Variants in CASK observed in about 807,000 individuals in gnomAD.
CASK encodes the protein peripheral plasma membrane protein CASK.
In CASK, 4 loss-of-function variants were observed where a neutral mutation model predicts 82.9. That is an observed-to-expected ratio of 0.05 (90% CI 0.02 to 0.11). The LOEUF (loss-of-function observed/expected upper bound fraction) is 0.11, where lower values mean the gene tolerates loss of function less well. Among genes scored for constraint, CASK ranks in the 10% least tolerant of loss-of-function variants. The pLI is 1.00. For missense variants in CASK, 358 were observed against 720.9 expected (o/e 0.50, Z 5.76); for synonymous variants, 259 against 253.5 (o/e 1.02, Z -0.20).
chrX:41,582,735 A>G (rs2065600186), intron 14 of CASK, among the ~76,000 whole-genome samples: 1 of 111,861 alleles, frequency 8.9e-6, no homozygotes, highest in Non-Finnish European at 1.9e-5. Context: ...CTGCTCCTTG[A>G]ATCTACAAAG....
In CASK at chrX:41,543,265, G is replaced by A. The variant is rs191887158; in HGVS notation, c.2040-459C>T. ...GGGGATTGAAAGAATGAAAGGTTAA[G>A]CAATTTGCCCCAAATCACACAGCTA... On this transcript the variant is annotated intron_variant, in intron 21 of 26. Transcript: ENST00000378163. 3.4e-3 allele frequency among the ~76,000 whole-genome samples: 384 copies of A among 112,407 alleles called. 1 individual carries two copies. Among genetic ancestry groups the A allele is most frequent in the Admixed American group, 6.1e-3 (64 of 10,564 alleles).
rs1193422910 is a variant in CASK at position 41,811,836 on chromosome X, T to C, written c.173-24553A>G. Among the ~76,000 whole-genome samples, 4 of 111,212 alleles carry C rather than the reference T, an allele frequency of 3.6e-5. No individual in the cohort carries two copies. The East Asian group carries it at 8.4e-4, about 23-fold the overall frequency. On this transcript the variant is annotated intron_variant, in intron 2 of 26. Transcript: ENST00000378163. ...GAAAAGATCAACAAAATTGATACAC[T>C]GCTAGCAAGACTAATAAAGAAGAAA...
At chrX:41,787,311 A>G in intron 2 of CASK, 28 bp from the exon 3 acceptor site, 2 of 871,653 alleles carry the variant, frequency 2.3e-6, no homozygotes, top group Non-Finnish European at 3.4e-6. Context: ...AGCATACTTC[A>G]TTAGGTAGGA....
chrX:41,616,026 A>G (rs1424566892), intron 11 of CASK, among the ~76,000 whole-genome samples: 1 of 111,860 alleles, frequency 8.9e-6, no homozygotes, highest in African/African-American at 3.3e-5. Flanking sequence ...GAATACTAAG[A>G]TGGTCAGTCT....
At chrX:41,892,809 T>G (rs2072198397) in intron 1 of CASK, among the ~76,000 whole-genome samples, 1 of 112,055 alleles carries the variant, frequency 8.9e-6, no homozygotes, top group Non-Finnish European at 1.9e-5. Context: ...AAAGTGTTAT[T>G]TATAACATTT....
At chrX:41,878,166 T>TAA (rs758826227) in intron 1 of CASK, among the ~76,000 whole-genome samples, 69 of 97,720 alleles carry the variant, frequency 7.1e-4, no homozygotes, top group African/African-American at 2.5e-3. Flanking sequence ...AAAATATTCT[T>TAA]AAAAAAAAAA....
intron 21 of CASK, among the ~76,000 whole-genome samples, chrX:41,551,391 G>A (rs2065095054): frequency 9.0e-6 from 1 of 110,573 alleles, no homozygotes; most frequent in South Asian, 3.8e-4. Flanking sequence ...ATGCTTATCT[G>A]TTTCCTTTTA....
At chrX:41,752,400 T>G (rs748602347) in intron 3 of CASK, among the ~76,000 whole-genome samples, 112 of 110,237 alleles carry the variant, frequency 1.0e-3, no homozygotes, top group African/African-American at 3.6e-3. Flanking sequence ...AAGTTATTCT[T>G]CTGCGTCAGC....
At chrX:41,796,340 A>G (rs1470152614) in intron 2 of CASK, among the ~76,000 whole-genome samples, 2 of 112,790 alleles carry the variant, frequency 1.8e-5, no homozygotes, top group Non-Finnish European at 3.7e-5. Context: ...CACATGCACA[A>G]TAAGTTTTGT....
chrX:41,760,758 A>T (rs936575683), intron 3 of CASK, among the ~76,000 whole-genome samples: 1 of 111,361 alleles, frequency 9.0e-6, no homozygotes, highest in Admixed American at 9.6e-5. Context: ...TCTCTCCCCA[A>T]ATTTTTTAAC....
At chrX:41,603,125 T>G (rs2065915268) in intron 12 of CASK, among the ~76,000 whole-genome samples, 1 of 112,351 alleles carries the variant, frequency 8.9e-6, no homozygotes, top group Non-Finnish European at 1.9e-5. Context: ...ATAGGCTTTA[T>G]TATTCTAGAC....
intron 12 of CASK, among the ~76,000 whole-genome samples, chrX:41,590,961 T>C (rs1050955899): frequency 8.9e-6 from 1 of 112,259 alleles, no homozygotes; most frequent in Non-Finnish European, 1.9e-5. Flanking sequence ...AATGTGAAGA[T>C]AGAGCAGGGA....
chrX:41,706,009 T>A (rs988363506), intron 5 of CASK, among the ~76,000 whole-genome samples: 4 of 111,707 alleles, frequency 3.6e-5, no homozygotes, highest in African/African-American at 1.3e-4. Context: ...TCTCACAATT[T>A]GGTGCCCTCT....
chrX:41,893,325 C>A (rs1279642282), intron 1 of CASK, among the ~76,000 whole-genome samples: 1 of 112,081 alleles, frequency 8.9e-6, no homozygotes, highest in Non-Finnish European at 1.9e-5. Flanking sequence ...TGGCCAGGGG[C>A]ACTGTCAAAA....
At chrX:41,537,326 A>G (rs1377435080) in intron 22 of CASK, among the ~76,000 whole-genome samples, 1 of 112,005 alleles carries the variant, frequency 8.9e-6, no homozygotes, top group Admixed American at 9.5e-5. Flanking sequence ...TTAAAATAAG[A>G]GATACAAATA....
At chrX:41,888,823 ATG>A (rs1178658746) in intron 1 of CASK, among the ~76,000 whole-genome samples, 2 of 106,277 alleles carry the variant, frequency 1.9e-5, no homozygotes, top group African/African-American at 3.4e-5. Flanking sequence ...ATATGTATAT[ATG>A]TATGTATATA....
intron 5 of CASK, among the ~76,000 whole-genome samples, chrX:41,737,721 A>G (rs2068521182): frequency 8.9e-6 from 1 of 112,667 alleles, no homozygotes; most frequent in Admixed American, 9.4e-5. Flanking sequence ...TCTTTCGAGA[A>G]TAATTCATTC....
At chrX:41,840,793 A>T (rs1001456739) in intron 2 of CASK, among the ~76,000 whole-genome samples, 1 of 80,036 alleles carries the variant, frequency 1.2e-5, no homozygotes, top group African/African-American at 3.9e-5. Context: ...AATATGATCA[A>T]ATAATTTTTC....
chrX:41,883,347 T>C (rs1172485420), intron 1 of CASK, among the ~76,000 whole-genome samples: 1 of 111,725 alleles, frequency 9.0e-6, no homozygotes, highest in Non-Finnish European at 1.9e-5. Flanking sequence ...GAGGTGATTA[T>C]AAGCAGTAAC....
Sources: allele counts gnomAD v4.1 joint callset (sites outside exome capture counted in the v4.1 genomes callset), GRCh38; gene constraint gnomAD v4.1.1; transcripts MANE v1.5; gene names NCBI Gene and HGNC (gene_info 2026-07-23, HGNC 2026-07-21).